Variants in SRGAP3 observed in about 807,000 individuals in gnomAD.
The protein encoded by SRGAP3 is SLIT-ROBO Rho GTPase-activating protein 3.
Under a neutral mutation model 121.1 loss-of-function variants are expected in SRGAP3, and 39 were observed. That is an observed-to-expected ratio of 0.32 (90% CI 0.25 to 0.42). The LOEUF is 0.42. SRGAP3 is among the 10% of genes least tolerant of loss of function. SRGAP3 has a pLI of 1.00. For missense variants in SRGAP3, 1,213 were observed against 1,470.6 expected, an observed-to-expected ratio of 0.82 and a Z score of 2.86; for synonymous variants, 601 against 570.0, an observed-to-expected ratio of 1.05 and a Z score of -0.77.
In SRGAP3 at chr3:9,109,308, A is replaced by G. The variant is rs554230001; in HGVS notation, c.261-4466T>C. On this transcript the variant is annotated intron_variant, in intron 2 of 21. Transcript: ENST00000383836. The surrounding 1 kb of genome is among the most constrained non-coding windows in gnomAD (Gnocchi z 4.4). ...TTGCTGGGACAGTTTGGGGACCATT[A>G]ACTAGGTCATCTAGCCAGAGAGATG... Among the ~76,000 whole-genome samples, 1 of 152,294 alleles carries G rather than the reference A, an allele frequency of 6.6e-6. No homozygotes were observed. The highest frequency in any genetic ancestry group is 2.4e-5 in the African/African-American group (1 of 41,562).
intron 3 of SRGAP3, among the ~76,000 whole-genome samples, chr3:9,091,613 G>C (rs895157902): frequency 1.3e-5 from 2 of 152,102 alleles, no homozygotes; most frequent in South Asian, 2.1e-4. Flanking sequence ...AGAGGATCAG[G>C]CTTCTCCAGC....
chr3:9,223,270 A>C (rs1008051952), intron 1 of SRGAP3, among the ~76,000 whole-genome samples: 2 of 152,252 alleles, frequency 1.3e-5, no homozygotes, highest in African/African-American at 4.8e-5. Context: ...TATGGCCCAC[A>C]AAGCCTAAAA....
At chr3:9,354,281 G>A (rs1329994609) in intron 1 of SRGAP3, among the ~76,000 whole-genome samples, 1 of 152,178 alleles carries the variant, frequency 6.6e-6, no homozygotes, top group South Asian at 2.1e-4. Context: ...ACGAAAAGCA[G>A]AAGTGGCTAA....
chr3:9,180,322 G>A (rs1210024346), intron 1 of SRGAP3, among the ~76,000 whole-genome samples: 1 of 152,254 alleles, frequency 6.6e-6, no homozygotes, highest in African/African-American at 2.4e-5. Context: ...CCCACAGAAA[G>A]ACACGGAGAG....
At chr3:9,213,916 T>G (rs1952530166) in intron 1 of SRGAP3, among the ~76,000 whole-genome samples, 1 of 152,228 alleles carries the variant, frequency 6.6e-6, no homozygotes, top group African/African-American at 2.4e-5. Context: ...TCTCTTTACC[T>G]GCTTTTCACA....
chr3:9,314,320 C>T (rs1364109712), intron 3 of SRGAP3, among the ~76,000 whole-genome samples: 2 of 152,074 alleles, frequency 1.3e-5, no homozygotes, highest in Admixed American at 1.3e-4. Context: ...CTTTGGGAAG[C>T]CAAGCTGAGA....
At chr3:9,329,603 A>G (rs1380011832) in intron 2 of SRGAP3, among the ~76,000 whole-genome samples, 1 of 152,222 alleles carries the variant, frequency 6.6e-6, no homozygotes, top group Admixed American at 6.5e-5. Context: ...AAGATAGGAA[A>G]GGAAAAGAAG....
chr3:9,324,063 T>C (rs756485018), intron 3 of SRGAP3, among the ~76,000 whole-genome samples: 6 of 151,746 alleles, frequency 4.0e-5, no homozygotes, highest in African/African-American at 7.2e-5. Flanking sequence ...AACAGTGAGG[T>C]TGGTTACAGC....
intron 2 of SRGAP3, among the ~76,000 whole-genome samples, chr3:9,123,635 T>C (rs960014372): frequency 1.3e-5 from 2 of 148,822 alleles, no homozygotes; most frequent in Admixed American, 6.7e-5. Flanking sequence ...AACCCGGGAG[T>C]TGGAGATTGC....
chr3:9,051,030 T>A (rs867393147), intron 9 of SRGAP3, among the ~76,000 whole-genome samples: 2,687 of 135,392 alleles, frequency 0.02, 104 homozygotes, highest in African/African-American at 0.071. Context: ...TTTTTTTTTT[T>A]TTTTTTTTTT....
intron 1 of SRGAP3, among the ~76,000 whole-genome samples, chr3:9,359,770 T>G (rs2030698514): frequency 6.6e-6 from 1 of 152,232 alleles, no homozygotes. Context: ...TGAAAACCAA[T>G]GTATCATATC....
intron 1 of SRGAP3, among the ~76,000 whole-genome samples, chr3:9,224,154 G>A (rs1239646610): frequency 3.9e-5 from 6 of 152,106 alleles, no homozygotes; most frequent in Admixed American, 6.6e-5. Context: ...GCAACAGTCA[G>A]GTTTCGTCAC....
chr3:9,068,693 C>G (rs1946542327), intron 4 of SRGAP3, among the ~76,000 whole-genome samples: 1 of 152,154 alleles, frequency 6.6e-6, no homozygotes, highest in Non-Finnish European at 1.5e-5. Flanking sequence ...CATGAATGGT[C>G]CTTAGCTCAA....
At chr3:9,276,433 T>TG (rs1359515025) in intron 3 of SRGAP3, among the ~76,000 whole-genome samples, 1 of 151,670 alleles carries the variant, frequency 6.6e-6, no homozygotes, top group Non-Finnish European at 1.5e-5. Flanking sequence ...TGTTTGTTTT[T>TG]TTTTTTTTTT....
chr3:9,203,970 C>T (rs1952169026), intron 1 of SRGAP3, among the ~76,000 whole-genome samples: 1 of 152,180 alleles, frequency 6.6e-6, no homozygotes, highest in South Asian at 2.1e-4. Flanking sequence ...GCATCTCTGG[C>T]CCATTCCCCC....
chr3:9,203,066 C>A (rs535196567), intron 1 of SRGAP3, among the ~76,000 whole-genome samples: 2 of 152,212 alleles, frequency 1.3e-5, no homozygotes, highest in African/African-American at 2.4e-5. Flanking sequence ...CCATAGACAC[C>A]GATCCTGAGA....
chr3:9,198,586 G>A (rs1414656373), intron 1 of SRGAP3, among the ~76,000 whole-genome samples: 1 of 152,056 alleles, frequency 6.6e-6, no homozygotes, highest in Non-Finnish European at 1.5e-5. Flanking sequence ...ATTTGTACAG[G>A]GCCCTCCAAA....
rs1190871030 is a variant in SRGAP3, at chr3:9,214,144, G to GCA, written c.67+34739_67+34740dup. Among the ~76,000 whole-genome samples the GCA allele has an allele frequency of 4.1e-5, 6 of 147,356 alleles. No individual in the cohort carries two copies. The East Asian group carries it at 5.9e-4, about 15-fold the overall frequency. On this transcript the variant is annotated intron_variant, in intron 1 of 21. Coordinates refer to ENST00000383836, the MANE Select transcript of SRGAP3 (RefSeq NM_014850.4). ...CACACACACACACACACACACACAT[G>GCA]CACACACACACACAAGAATATAAGC...
At chr3:9,023,102 G>C (rs1288847151) in intron 14 of SRGAP3, among the ~76,000 whole-genome samples, 5 of 152,008 alleles carry the variant, frequency 3.3e-5, no homozygotes, top group Admixed American at 2.6e-4. Context: ...AATATGGAGA[G>C]GCAGGGAAAT....
Sources: gnomAD v4.1 joint callset for allele counts (sites outside exome capture counted in the v4.1 genomes callset) on GRCh38, gnomAD v4.1.1 for gene constraint, Gnocchi (gnomAD v3.1) non-coding constraint, MANE v1.5 for transcripts, NCBI Gene and HGNC (gene_info 2026-07-23, HGNC 2026-07-21) for gene names.